The following SLC25A18 variants were observed in gnomAD, a reference collection of about 807,000 sequenced individuals.
SLC25A18 encodes the protein mitochondrial glutamate carrier 2.
SLC25A18 carries 24 observed loss-of-function variants against 31.1 expected under a neutral mutation model. The ratio of observed to expected loss-of-function variants is 0.77; its 90% confidence interval spans 0.56 to 1.08. The LOEUF is 1.08. Ranked by LOEUF, SLC25A18 falls within the 50% of genes least tolerant of loss-of-function variation. The pLI is 0.00. For synonymous variants in SLC25A18, 173 were observed against 161.9 expected, an observed-to-expected ratio of 1.07 and a Z score of -0.52; for missense variants, 371 against 418.5, an observed-to-expected ratio of 0.89 and a Z score of 0.99.
chr22:17,582,279 G>A, intron 5 of SLC25A18: 1 of 223,790 alleles, frequency 4.5e-6, no homozygotes, highest in Non-Finnish European at 8.8e-6. Flanking sequence ...GGGAGGCCGA[G>A]GCAGGAGAAT....
chr22:17,583,319 G>A (rs2057432172), intron 6 of SLC25A18, 97 bp from the exon 7 acceptor site: 1 of 1,503,878 alleles, frequency 6.6e-7, no homozygotes, highest in Non-Finnish European at 9.1e-7. Flanking sequence ...GCAGCCACGG[G>A]TGCCATCCAG....
intron 3 of SLC25A18, 185 bp from the exon 4 acceptor site, chr22:17,580,852 A>T: frequency 1.5e-6 from 2 of 1,325,788 alleles, no homozygotes; most frequent in Non-Finnish European, 9.6e-7. Context: ...AAGATGCCTC[A>T]CCCGGGTGAG....
chr22:17,582,341 A>T (rs182972778), intron 5 of SLC25A18: 2 of 378,988 alleles, frequency 5.3e-6, no homozygotes, highest in Non-Finnish European at 9.5e-6. Flanking sequence ...GCGCCACTGC[A>T]CTCCAGCCTG....
Position 17,579,938 on chromosome 22 carries a change from C to T in SLC25A18, c.-7C>T. ...CCTTGTGTCCTGGGATCCCCAGCCCCTGCAGAATGACCCACCAGGATCTGA... is the reference window on the plus strand; with the variant it reads ...CCTTGTGTCCTGGGATCCCCAGCCCTTGCAGAATGACCCACCAGGATCTGA... On this transcript the variant is annotated 5_prime_UTR_variant, in exon 3 of 11. Coordinates refer to ENST00000327451, the MANE Select transcript of SLC25A18 (RefSeq NM_031481.3). 1 of 1,610,486 alleles carries T rather than the reference C, an allele frequency of 6.2e-7. No homozygotes were observed. Among genetic ancestry groups the T allele is most frequent in the Non-Finnish European group, 8.5e-7 (1 of 1,178,878 alleles).
At chr22:17,574,654 T>C (rs911652322) in intron 2 of SLC25A18, among the ~76,000 whole-genome samples, 2 of 150,078 alleles carry the variant, frequency 1.3e-5, no homozygotes, top group East Asian at 1.9e-4. Flanking sequence ...GCAGTTGGGA[T>C]TACAGGCACG....
chr22:17,572,073 G>A (rs2057103679), intron 2 of SLC25A18, among the ~76,000 whole-genome samples: 1 of 151,284 alleles, frequency 6.6e-6, no homozygotes, highest in Non-Finnish European at 1.5e-5. Context: ...TGTAATCCCA[G>A]CTACTCAGGA....
At chr22:17,566,417 T>TC (rs1473846574) in intron 1 of SLC25A18, among the ~76,000 whole-genome samples, 1 of 102,694 alleles carries the variant, frequency 9.7e-6, no homozygotes, top group Non-Finnish European at 1.8e-5. Flanking sequence ...TGTCATTTTC[T>TC]TTTTTTTTTT....
chr22:17,565,041 A>G (rs1487685260), intron 1 of SLC25A18, among the ~76,000 whole-genome samples: 1 of 151,714 alleles, frequency 6.6e-6, no homozygotes, highest in Non-Finnish European at 1.5e-5. Flanking sequence ...CTGCAGCCTC[A>G]TTTGTCACTC....
intron 9 of SLC25A18, chr22:17,589,133 C>T (rs941149041): frequency 2.6e-5 from 4 of 154,356 alleles, no homozygotes; most frequent in African/African-American, 9.7e-5. Context: ...AGAAGACCTC[C>T]ACTTACAGAT....
At chr22:17,584,080 G>C (rs138279996) in intron 7 of SLC25A18, 3 of 985,108 alleles carry the variant, frequency 3.0e-6, no homozygotes, top group East Asian at 2.3e-4. Flanking sequence ...TTCACAATTA[G>C]ACTTGATCTC....
chr22:17,581,139 GA>G lies in SLC25A18; in HGVS notation c.126del (p.Ala43ProfsTer6). The G allele has an allele frequency of 1.3e-6, 2 of 1,598,566 alleles. No homozygotes were observed. Among genetic ancestry groups the G allele is most frequent in the South Asian group, 2.2e-5 (2 of 89,170 alleles). ...AKTRLQNQHG[K>X]AMYKGMIDCL... ...AGACTCGCCTGCAGAACCAGCATGG[GA>G]AAGCCATGTACAAAGGAATGTAGGT... On this transcript the variant is annotated frameshift_variant, in exon 4 of 11. Transcript: ENST00000327451. LOFTEE classifies it high-confidence loss of function.
chr22:17,565,773 A>C (rs1281838760), intron 1 of SLC25A18, among the ~76,000 whole-genome samples: 3 of 152,158 alleles, frequency 2.0e-5, no homozygotes, highest in African/African-American at 7.2e-5. Context: ...AGGCTGAGGC[A>C]GGAGAATCAC....
chr22:17,586,403 G>A (rs2057550162), intron 7 of SLC25A18, among the ~76,000 whole-genome samples: 1 of 144,914 alleles, frequency 6.9e-6, no homozygotes, highest in Non-Finnish European at 1.5e-5. Flanking sequence ...CAGCACTTTG[G>A]GAGGCCAAGG....
At chr22:17,564,857 C>CAA (rs695292) in intron 1 of SLC25A18, among the ~76,000 whole-genome samples, 2 of 112,354 alleles carry the variant, frequency 1.8e-5, no homozygotes, top group Non-Finnish European at 1.8e-5. Context: ...ACTCTGTCTC[C>CAA]AAAAAAAAAA....
intron 8 of SLC25A18, 111 bp from the exon 9 acceptor site, chr22:17,587,814 G>A (rs142926087): frequency 1.7e-5 from 23 of 1,352,530 alleles, no homozygotes; most frequent in Admixed American, 8.2e-5. Context: ...ATGAGTCCCC[G>A]TGGCTCCTCT....
intron 7 of SLC25A18, among the ~76,000 whole-genome samples, chr22:17,585,110 G>A (rs2057505119): frequency 6.6e-6 from 1 of 152,014 alleles, no homozygotes; most frequent in African/African-American, 2.4e-5. Context: ...AAAAAAAGCA[G>A]CTGGGCGTAG....
At chr22:17,570,386 G>C (rs181284435) in intron 2 of SLC25A18, 1 of 152,394 alleles carries the variant, frequency 6.6e-6, no homozygotes, top group Non-Finnish European at 1.5e-5. Flanking sequence ...CAGCAGTCTC[G>C]TGACAAGTCT....
At chr22:17,583,346 A>G in intron 6 of SLC25A18, 70 bp from the exon 7 acceptor site, 3 of 1,586,998 alleles carry the variant, frequency 1.9e-6, no homozygotes, top group South Asian at 2.2e-5. Context: ...TCCCCCTCTC[A>G]CAAGAGGGCA....
In SLC25A18 at chr22:17,590,529, C is replaced by T. The variant is rs979087480; in HGVS notation, c.*293C>T. 9.2e-6 allele frequency: 3 copies of T among 326,278 alleles called. No individual in the cohort carries two copies. Among genetic ancestry groups the T allele is most frequent in the Admixed American group, 4.3e-5 (1 of 23,254 alleles). The allele number at this position is 326,278 out of a possible 1,614,324, so 20.2% of individuals were successfully genotyped here. ...TACTTTCGTTGTATTAATTGCAGGA[C>T]CTTAACAGGTAGTCACAATAGAAGG... On this transcript the variant is annotated 3_prime_UTR_variant, in exon 11 of 11. Coordinates refer to ENST00000327451, the MANE Select transcript of SLC25A18 (RefSeq NM_031481.3).
Sources: gnomAD v4.1 joint callset for allele counts (sites outside exome capture counted in the v4.1 genomes callset) on GRCh38, gnomAD v4.1.1 for gene constraint, MANE v1.5 for transcripts, NCBI Gene and HGNC (gene_info 2026-07-23, HGNC 2026-07-21) for gene names.